The following MAPKAP1 variants were observed in gnomAD, a reference collection of about 807,000 sequenced individuals.
The protein encoded by MAPKAP1 is MAPK associated protein 1.
MAPKAP1 carries 20 observed loss-of-function variants against 65.7 expected under a neutral mutation model. That is an observed-to-expected ratio of 0.30 (90% CI 0.21 to 0.44). The LOEUF is 0.44. Among genes scored for constraint, MAPKAP1 ranks in the 20% least tolerant of loss-of-function variants. The probability of loss-of-function intolerance (pLI) is 1.00; values close to 1 mark genes in which losing one functional copy is unlikely to be tolerated. For missense variants in MAPKAP1, 423 were observed against 648.0 expected (o/e 0.65, Z 3.77); for synonymous variants, 222 against 244.3 (o/e 0.91, Z 0.85).
intron 8 of MAPKAP1, among the ~76,000 whole-genome samples, chr9:125,504,468 G>A (rs1167741498): frequency 6.6e-6 from 1 of 152,006 alleles, no homozygotes; most frequent in Non-Finnish European, 1.5e-5. Flanking sequence ...AGGCTGTCTG[G>A]GGCCCTAGTC....
At chr9:125,653,253 C>G (rs1253434542) in intron 4 of MAPKAP1, among the ~76,000 whole-genome samples, 1 of 152,144 alleles carries the variant, frequency 6.6e-6, no homozygotes, top group Non-Finnish European at 1.5e-5. Context: ...GACAAGCACA[C>G]AAATTTATTT....
intron 7 of MAPKAP1, among the ~76,000 whole-genome samples, chr9:125,542,247 A>C (rs1469875227): frequency 6.6e-6 from 1 of 152,200 alleles, no homozygotes; most frequent in African/African-American, 2.4e-5. Context: ...TAGCTAATTA[A>C]ATCTGGAACA....
chr9:125,494,842 T>C (rs140533563), intron 8 of MAPKAP1, among the ~76,000 whole-genome samples: 54 of 152,306 alleles, frequency 3.5e-4, no homozygotes, highest in African/African-American at 1.2e-3. Context: ...CTATGCACTC[T>C]TTTCTACCCT....
chr9:125,444,383 T>C (rs1852616871), intron 11 of MAPKAP1, 118 bp downstream of exon 11: 4 of 764,634 alleles, frequency 5.2e-6, no homozygotes, highest in South Asian at 1.9e-5. Context: ...TCTGCCAAAC[T>C]GGGCCCGGGA....
At chr9:125,508,578 T>C (rs1829211011) in intron 7 of MAPKAP1, among the ~76,000 whole-genome samples, 1 of 152,176 alleles carries the variant, frequency 6.6e-6, no homozygotes, top group Non-Finnish European at 1.5e-5. Flanking sequence ...AGGCTGAGTA[T>C]GGTGGCTCAC....
At chr9:125,583,362 C>T (rs1831681604) in intron 5 of MAPKAP1, among the ~76,000 whole-genome samples, 1 of 152,192 alleles carries the variant, frequency 6.6e-6, no homozygotes, top group Admixed American at 6.5e-5. Flanking sequence ...TTGTAAGCAC[C>T]TGATTTTGCA....
rs116543564 is a variant in MAPKAP1, at chr9:125,484,342, T to C, written c.1207+101A>G. The C allele has an allele frequency of 1.3e-3, 1,585 of 1,208,356 alleles. 12 individuals are homozygous for C. The African/African-American group carries it at 0.021, about 16-fold the overall frequency. The allele number at this position is 1,208,356 out of a possible 1,614,324, so 74.9% of individuals were successfully genotyped here. On this transcript the variant is annotated intron_variant, in intron 9 of 11. Transcript: ENST00000265960. ...ATTTTCTCAGAAAACAAATTACTTTTAGTCATTCAGGTCACATAAAAGTTG... is the reference window on the plus strand; with the variant it reads ...ATTTTCTCAGAAAACAAATTACTTTCAGTCATTCAGGTCACATAAAAGTTG...
At chr9:125,598,328 G>A (rs986892565) in intron 4 of MAPKAP1, among the ~76,000 whole-genome samples, 14 of 152,160 alleles carry the variant, frequency 9.2e-5, no homozygotes, top group African/African-American at 2.9e-4. Context: ...TCTGGTACCT[G>A]TAGTCAAATT....
intron 10 of MAPKAP1, among the ~76,000 whole-genome samples, chr9:125,454,684 A>G (rs960746609): frequency 6.6e-6 from 1 of 152,096 alleles, no homozygotes; most frequent in African/African-American, 2.4e-5. Context: ...GTTTTTGTTT[A>G]GTTTTATTTT....
chr9:125,510,186 G>C (rs1829257302), intron 7 of MAPKAP1, among the ~76,000 whole-genome samples: 1 of 152,094 alleles, frequency 6.6e-6, no homozygotes, highest in African/African-American at 2.4e-5. Context: ...AAGTAGGAAG[G>C]GGGAAAAATG....
chr9:125,595,728 T>G lies in MAPKAP1; in HGVS notation c.499-10001A>C. 1 of 1,535,686 alleles carries G rather than the reference T, an allele frequency of 6.5e-7. No homozygotes were observed. On this transcript the variant is annotated intron_variant, in intron 4 of 11. Coordinates refer to ENST00000265960, the MANE Select transcript of MAPKAP1 (RefSeq NM_001006617.3). This position sits in a 1 kb window ranked among gnomAD's most constrained non-coding sequence, Gnocchi z 4.0. ...CTAAGGAATCTCTTCATTGGAGGGTTGAGCTTTGAAACAACCAATGAGAGC... is the reference window on the plus strand; with the variant it reads ...CTAAGGAATCTCTTCATTGGAGGGTGGAGCTTTGAAACAACCAATGAGAGC...
intron 10 of MAPKAP1, among the ~76,000 whole-genome samples, chr9:125,449,318 A>G (rs1471109073): frequency 6.6e-6 from 1 of 152,156 alleles, no homozygotes; most frequent in African/African-American, 2.4e-5. Flanking sequence ...TGTCACATAC[A>G]TCCCTGCATA....
chr9:125,676,209 A>C (rs1834638713), intron 1 of MAPKAP1, among the ~76,000 whole-genome samples: 1 of 152,214 alleles, frequency 6.6e-6, no homozygotes, highest in African/African-American at 2.4e-5. Flanking sequence ...TATTTACCAA[A>C]ATATAAAACA....
intron 9 of MAPKAP1, among the ~76,000 whole-genome samples, chr9:125,470,362 C>G (rs976737162): frequency 6.6e-6 from 1 of 152,144 alleles, no homozygotes; most frequent in African/African-American, 2.4e-5. Context: ...TGCTACAAAT[C>G]TGGGTCCATT....
At chr9:125,572,765 G>C (rs1831273151) in intron 5 of MAPKAP1, 1 of 152,134 alleles carries the variant, frequency 6.6e-6, no homozygotes, top group Non-Finnish European at 1.5e-5. Flanking sequence ...TTCTAATTTA[G>C]TTTACTTGGA....
At chr9:125,583,923 C>T (rs1831700087) in intron 5 of MAPKAP1, among the ~76,000 whole-genome samples, 1 of 151,994 alleles carries the variant, frequency 6.6e-6, no homozygotes, top group Admixed American at 6.5e-5. Context: ...ATTAGCTGGG[C>T]GTGGTGGTAG....
intron 8 of MAPKAP1, among the ~76,000 whole-genome samples, chr9:125,493,775 C>T (rs1457884716): frequency 6.6e-5 from 10 of 152,194 alleles, no homozygotes; most frequent in Non-Finnish European, 1.2e-4. Flanking sequence ...CATCTCATTC[C>T]ATTTTTCCCA....
chr9:125,546,773 C>T (rs181318762), intron 6 of MAPKAP1, among the ~76,000 whole-genome samples: 155 of 152,224 alleles, frequency 1.0e-3, no homozygotes, highest in Non-Finnish European at 1.8e-3. Context: ...CTGTGGCACA[C>T]GCTCCAGTCT....
At chr9:125,601,339 C>A (rs1210684002) in intron 4 of MAPKAP1, among the ~76,000 whole-genome samples, 1 of 149,508 alleles carries the variant, frequency 6.7e-6, no homozygotes, top group African/African-American at 2.4e-5. Flanking sequence ...TCATTTCTTG[C>A]AGGGTTTCAG....
Sources: allele counts gnomAD v4.1 joint callset (sites outside exome capture counted in the v4.1 genomes callset), GRCh38; gene constraint gnomAD v4.1.1; non-coding constraint Gnocchi (gnomAD v3.1); transcripts MANE v1.5; gene names NCBI Gene and HGNC (gene_info 2026-07-23, HGNC 2026-07-21).